Variants in NLGN4X observed in about 807,000 individuals in gnomAD.
NLGN4X encodes neuroligin 4 X-linked.
In NLGN4X, 3 loss-of-function variants were observed where a neutral mutation model predicts 40.3. The observed-to-expected ratio is 0.07, with a 90% CI of 0.03 to 0.19. NLGN4X has a LOEUF of 0.19. Ranked by LOEUF, NLGN4X falls within the 10% of genes least tolerant of loss-of-function variation. NLGN4X has a pLI of 1.00. For missense variants in NLGN4X, 382 were observed against 708.3 expected (o/e 0.54, Z 5.23); for synonymous variants, 270 against 306.8 (o/e 0.88, Z 1.25).
At chrX:5,923,084 C>A (rs1437389196) in intron 3 of NLGN4X, among the ~76,000 whole-genome samples, 1 of 111,372 alleles carries the variant, frequency 9.0e-6, no homozygotes, top group Non-Finnish European at 1.9e-5. Context: ...CAAACAATAA[C>A]CCTAACTATT....
intron 3 of NLGN4X, among the ~76,000 whole-genome samples, chrX:5,972,238 A>T (rs5023951): frequency 0.3 from 33,098 of 109,364 alleles, 4,516 homozygotes; most frequent in Middle Eastern, 0.58. Flanking sequence ...CCATCATCTC[A>T]TCCTATTTAC....
intron 1 of NLGN4X, among the ~76,000 whole-genome samples, chrX:6,158,569 C>T (rs148106884): frequency 4.5e-5 from 5 of 112,006 alleles, no homozygotes; most frequent in African/African-American, 9.7e-5. Flanking sequence ...TACTGAGCAA[C>T]GATGTGGAGC....
At chrX:6,227,234 G>C (rs2147926241) in intron 1 of NLGN4X, 2 of 110,194 alleles carry the variant, frequency 1.8e-5, no homozygotes, top group East Asian at 5.9e-4. Flanking sequence ...CGTTTTCCAG[G>C]GCTGTAGAGG....
chrX:5,994,144 T>A (rs953024233), intron 3 of NLGN4X, among the ~76,000 whole-genome samples: 1 of 111,597 alleles, frequency 9.0e-6, no homozygotes, highest in African/African-American at 3.3e-5. Context: ...GTGAAAAAAA[T>A]TTGTAATGGA....
intron 3 of NLGN4X, among the ~76,000 whole-genome samples, chrX:5,997,599 CACATATATATATACACAT>C (rs1478549973): frequency 2.5e-5 from 1 of 39,407 alleles, no homozygotes; most frequent in Admixed American, 2.9e-4. Flanking sequence ...TATATATATA[CACATATATATATACACAT>C]ATATATATAT....
chrX:5,907,006 A>C (rs1050402634), intron 4 of NLGN4X, among the ~76,000 whole-genome samples: 17 of 109,834 alleles, frequency 1.5e-4, no homozygotes, highest in African/African-American at 5.6e-4. Flanking sequence ...CTTTGAATCC[A>C]GAAGGTGGAT....
Position 6,194,918 on chromosome X carries a change from T to C in NLGN4X, c.-306+33623A>G, listed in dbSNP as rs188436946. ...TCTTGACTCCAAAGACCATGCATTT[T>C]TTCAAGATATCAAGCTACCTCCTCA... On this transcript the variant is annotated intron_variant, in intron 1 of 5. Coordinates refer to ENST00000381095, the MANE Select transcript of NLGN4X (RefSeq NM_181332.3). 5.8e-3 allele frequency among the ~76,000 whole-genome samples: 644 copies of C among 111,788 alleles called. 5 individuals carry two copies. The highest frequency in any genetic ancestry group is 0.018 in the African/African-American group (566 of 30,775).
At chrX:6,214,314 A>T (rs529020161) in intron 1 of NLGN4X, among the ~76,000 whole-genome samples, 1 of 111,412 alleles carries the variant, frequency 9.0e-6, no homozygotes, top group South Asian at 3.9e-4. Context: ...TCACCAAGTC[A>T]TCTCTCTCTT....
At chrX:6,083,076 A>G (rs2038407603) in intron 2 of NLGN4X, among the ~76,000 whole-genome samples, 1 of 98,669 alleles carries the variant, frequency 1.0e-5, no homozygotes, top group Admixed American at 1.2e-4. Context: ...CTCCTGCCTC[A>G]GCCTCCCGAG....
chrX:5,937,867 C>A (rs1177151369), intron 3 of NLGN4X, among the ~76,000 whole-genome samples: 1 of 112,282 alleles, frequency 8.9e-6, no homozygotes, highest in African/African-American at 3.2e-5. Flanking sequence ...GTTTCAACAT[C>A]TTGTTCTCTA....
chrX:5,970,863 C>T (rs919445905), intron 3 of NLGN4X, among the ~76,000 whole-genome samples: 1 of 111,564 alleles, frequency 9.0e-6, no homozygotes, highest in Non-Finnish European at 1.9e-5. Context: ...GGAATTGGTA[C>T]ATTAAAGGCC....
chrX:6,067,774 G>A (rs2147351382), intron 2 of NLGN4X, among the ~76,000 whole-genome samples: 1 of 111,325 alleles, frequency 9.0e-6, no homozygotes. Context: ...TGGCATGCCA[G>A]CTCATGCTAG....
At chrX:6,097,832 T>C (rs1441486102) in intron 2 of NLGN4X, among the ~76,000 whole-genome samples, 1 of 111,244 alleles carries the variant, frequency 9.0e-6, no homozygotes, top group Non-Finnish European at 1.9e-5. Flanking sequence ...CCTCAAATCA[T>C]GGCCCTTTAC....
chrX:5,944,995 C>T (rs921322216), intron 3 of NLGN4X, among the ~76,000 whole-genome samples: 2 of 111,845 alleles, frequency 1.8e-5, no homozygotes, highest in African/African-American at 6.5e-5. Context: ...AGAACACATA[C>T]CCAGTGCTGT....
At chrX:6,064,172 C>T (rs951233757) in intron 2 of NLGN4X, among the ~76,000 whole-genome samples, 2 of 111,126 alleles carry the variant, frequency 1.8e-5, no homozygotes, top group Non-Finnish European at 3.8e-5. Flanking sequence ...CTTAACTCCA[C>T]CTTCCTAGAG....
At chrX:6,203,227 C>G (rs1923772026) in intron 1 of NLGN4X, among the ~76,000 whole-genome samples, 1 of 112,511 alleles carries the variant, frequency 8.9e-6, no homozygotes, top group South Asian at 3.6e-4. Flanking sequence ...GCCCTTGAGA[C>G]AACACTCAAC....
At chrX:6,085,464 C>T (rs1367747048) in intron 2 of NLGN4X, among the ~76,000 whole-genome samples, 1 of 111,579 alleles carries the variant, frequency 9.0e-6, no homozygotes, top group Non-Finnish European at 1.9e-5. Flanking sequence ...TAAAGAAGGT[C>T]AAGGAATTTA....
intron 1 of NLGN4X, among the ~76,000 whole-genome samples, chrX:6,194,437 C>G (rs969388657): frequency 9.0e-6 from 1 of 111,513 alleles, no homozygotes. Context: ...TGCGAGATAT[C>G]TAACAGAGTA....
chrX:6,207,495 A>T (rs1924137834), intron 1 of NLGN4X, among the ~76,000 whole-genome samples: 1 of 112,440 alleles, frequency 8.9e-6, no homozygotes, highest in African/African-American at 3.2e-5. Flanking sequence ...CCAAATTTTT[A>T]AAAATGTACC....
Sources: allele counts gnomAD v4.1 joint callset (sites outside exome capture counted in the v4.1 genomes callset), GRCh38; gene constraint gnomAD v4.1.1; transcripts MANE v1.5; gene names NCBI Gene and HGNC (gene_info 2026-07-23, HGNC 2026-07-21).